The following GRID2 variants were observed in gnomAD, a reference collection of about 807,000 sequenced individuals.
The protein encoded by GRID2 is glutamate ionotropic receptor delta type subunit 2, also known as glutamate receptor ionotropic, delta-2.
A neutral mutation model predicts 114.8 loss-of-function variants in GRID2; 33 were observed. The ratio of observed to expected loss-of-function variants is 0.29; its 90% CI spans 0.22 to 0.38. The LOEUF is 0.38. Among genes scored for constraint, GRID2 ranks in the 10% least tolerant of loss-of-function variants. The pLI, the probability that GRID2 is intolerant of heterozygous loss-of-function variation, is 1.00. For missense variants in GRID2, 1,184 were observed against 1,257.7 expected, an observed-to-expected ratio of 0.94 and a Z score of 0.89; for synonymous variants, 505 against 449.9, an observed-to-expected ratio of 1.12 and a Z score of -1.55.
rs982794519 is a variant in GRID2 at position 92,621,920 on chromosome 4, A to G, written c.244+31634A>G. Among the ~76,000 whole-genome samples, 18 of 151,882 alleles carry G rather than the reference A, an allele frequency of 1.2e-4. 1 individual carries two copies. The highest frequency in any genetic ancestry group is 6.6e-4 in the Admixed American group (10 of 15,182). On this transcript the variant is annotated intron_variant, in intron 2 of 15. Transcript: ENST00000282020. ...AGAAAGAGAAAAAATTCGAAGAGAG[A>G]GAGATTATGATGACAGTTTGGTTTA...
rs1248978894 is a variant in GRID2 at position 93,328,686 on chromosome 4, C to CATGG, written c.1246-66904_1246-66901dup. Among the ~76,000 whole-genome samples the CATGG allele has an allele frequency of 5.4e-5, 8 of 149,172 alleles. No individual in the cohort carries two copies. In the South Asian group the frequency reaches 8.5e-4, roughly 16 times the overall value. On this transcript the variant is annotated intron_variant, in intron 8 of 15. Coordinates refer to ENST00000282020, the MANE Select transcript of GRID2 (RefSeq NM_001510.4). ...GGCCTATATATATGTTGATTAAGTG[C>CATGG]ATGGATGGATGGATGGATGGTTGGA...
intron 1 of GRID2, among the ~76,000 whole-genome samples, chr4:92,537,593 C>T (rs927254971): frequency 6.6e-6 from 1 of 152,152 alleles, no homozygotes; most frequent in African/African-American, 2.4e-5. Flanking sequence ...CTGCTACAAT[C>T]TACCCAGAAC....
chr4:92,799,430 T>C (rs924487578), intron 2 of GRID2, among the ~76,000 whole-genome samples: 2 of 151,950 alleles, frequency 1.3e-5, no homozygotes, highest in Non-Finnish European at 2.9e-5. Context: ...GCTTAAACAA[T>C]AGAAATTTAT....
At position 92,916,888 on chromosome 4, in the gene GRID2, G is replaced by T. The variant is rs184992355; in HGVS notation, c.245-168107G>T. On this transcript the variant is annotated intron_variant, in intron 2 of 15. Coordinates refer to ENST00000282020, the MANE Select transcript of GRID2 (RefSeq NM_001510.4). ...TTGGGTATATACCCAGTAATGGGAT[G>T]GCTGGGTCAAATGGTAATTCTAGTT... Among the ~76,000 whole-genome samples the T allele has an allele frequency of 2.0e-5, 3 of 152,224 alleles. No homozygotes were observed. In the East Asian group the frequency reaches 5.8e-4, roughly 29 times the overall value.
At chr4:93,083,855 ATAAAT>A (rs745567432) in intron 2 of GRID2, among the ~76,000 whole-genome samples, 1 of 152,080 alleles carries the variant, frequency 6.6e-6, no homozygotes, top group Non-Finnish European at 1.5e-5. Flanking sequence ...ATTAATAATA[ATAAAT>A]TTATTTGATG....
chr4:92,945,007 T>C (rs1257287082), intron 2 of GRID2, among the ~76,000 whole-genome samples: 1 of 152,176 alleles, frequency 6.6e-6, no homozygotes, highest in African/African-American at 2.4e-5. Flanking sequence ...TAATTGCTTT[T>C]GTGTATATTG....
At chr4:92,322,741 G>T (rs545363154) in intron 1 of GRID2, among the ~76,000 whole-genome samples, 16 of 152,112 alleles carry the variant, frequency 1.1e-4, no homozygotes, top group African/African-American at 3.9e-4. Context: ...CAATAATTCT[G>T]TCTTAGCAGC....
intron 14 of GRID2, among the ~76,000 whole-genome samples, chr4:93,696,894 T>C (rs994251749): frequency 5.3e-5 from 8 of 152,296 alleles, no homozygotes; most frequent in African/African-American, 1.9e-4. Flanking sequence ...CTTTACAGGC[T>C]TCTACAGAGT....
chr4:93,257,989 TATATATATATACACACACACAC>T (rs1188069171), intron 8 of GRID2, among the ~76,000 whole-genome samples: 3 of 130,868 alleles, frequency 2.3e-5, no homozygotes, highest in African/African-American at 7.0e-5. Context: ...TATATATATA[TATATATATATACACACACACAC>T]ACACACACAC....
chr4:93,212,097 T>G (rs560859668), intron 5 of GRID2, among the ~76,000 whole-genome samples: 24 of 152,228 alleles, frequency 1.6e-4, no homozygotes, highest in African/African-American at 5.5e-4. Flanking sequence ...GCTAGGAAGC[T>G]ACTAAACTCT....
chr4:92,887,255 C>G (rs1201165089), intron 2 of GRID2, among the ~76,000 whole-genome samples: 1 of 152,192 alleles, frequency 6.6e-6, no homozygotes, highest in Non-Finnish European at 1.5e-5. Flanking sequence ...ATAGGACACC[C>G]AGAGGGTGCC....
At chr4:92,940,738 T>C (rs1578541874) in intron 2 of GRID2, among the ~76,000 whole-genome samples, 2 of 152,114 alleles carry the variant, frequency 1.3e-5, no homozygotes, top group Admixed American at 6.6e-5. Flanking sequence ...TTGAGATACA[T>C]CCCATCAATA....
chr4:93,239,468 T>C (rs1579390496), intron 8 of GRID2, among the ~76,000 whole-genome samples: 1 of 151,316 alleles, frequency 6.6e-6, no homozygotes, highest in East Asian at 1.9e-4. Context: ...GGTAACAGGT[T>C]CTTCAGTAGG....
chr4:93,602,444 T>C (rs911792145), intron 13 of GRID2, among the ~76,000 whole-genome samples: 33 of 152,350 alleles, frequency 2.2e-4, no homozygotes, highest in African/African-American at 7.5e-4. Context: ...AGCAAGTCTA[T>C]TGATGCCATT....
chr4:93,464,034 A>G (rs1346721426), intron 11 of GRID2, among the ~76,000 whole-genome samples: 1 of 152,196 alleles, frequency 6.6e-6, no homozygotes, highest in Non-Finnish European at 1.5e-5. Flanking sequence ...TCTTTAAAAT[A>G]GTATTGTCTG....
chr4:92,621,650 C>T (rs55870144), intron 2 of GRID2, among the ~76,000 whole-genome samples: 1,803 of 151,718 alleles, frequency 0.012, 10 homozygotes, highest in Non-Finnish European at 0.017. Flanking sequence ...AAAAGCGAGA[C>T]ATCATCTCTT....
chr4:93,084,904 A>G, intron 2 of GRID2, 91 bp from the exon 3 acceptor site: 3 of 902,498 alleles, frequency 3.3e-6, no homozygotes, highest in Non-Finnish European at 3.4e-6. Context: ...TATATAAAAA[A>G]TCTGTAAGCT....
chr4:92,876,567 A>AG (rs1476706627), intron 2 of GRID2, among the ~76,000 whole-genome samples: 1 of 152,176 alleles, frequency 6.6e-6, no homozygotes, highest in Non-Finnish European at 1.5e-5. Flanking sequence ...GGCCTCCCAA[A>AG]GTGCTAGGAT....
chr4:93,225,513 A>C (rs964707635), intron 7 of GRID2, among the ~76,000 whole-genome samples: 1 of 152,142 alleles, frequency 6.6e-6, no homozygotes, highest in African/African-American at 2.4e-5. Context: ...TATACCCTTT[A>C]CACAAAGGAG....
Sources: gnomAD v4.1 joint callset for allele counts (sites outside exome capture counted in the v4.1 genomes callset) on GRCh38, gnomAD v4.1.1 for gene constraint, MANE v1.5 for transcripts, NCBI Gene and HGNC (gene_info 2026-07-23, HGNC 2026-07-21) for gene names.